Variants in C8orf34 observed in about 807,000 individuals in gnomAD.
C8orf34 encodes uncharacterized protein C8orf34.
Under a neutral mutation model 68.3 loss-of-function variants are expected in C8orf34, and 65 were observed. That is an observed-to-expected ratio of 0.95 (90% CI 0.78 to 1.17). The LOEUF (loss-of-function observed/expected upper bound fraction) is 1.17. Ranked by LOEUF, C8orf34 falls within the 50% of genes most tolerant of loss-of-function variation. The pLI, the probability that C8orf34 is intolerant of heterozygous loss-of-function variation, is 0.00. For synonymous variants in C8orf34, 244 were observed against 241.2 expected, an observed-to-expected ratio of 1.01 and a Z score of -0.11; for missense variants, 664 against 655.4, an observed-to-expected ratio of 1.01 and a Z score of -0.14.
At chr8:68,392,889 T>C (rs1266751080) in intron 1 of C8orf34, among the ~76,000 whole-genome samples, 1 of 152,172 alleles carries the variant, frequency 6.6e-6, no homozygotes, top group Non-Finnish European at 1.5e-5. Context: ...AAGGATTGAA[T>C]GTTGACCTTG....
chr8:68,493,834 AG>A (rs2129632049), intron 5 of C8orf34, among the ~76,000 whole-genome samples: 1 of 152,306 alleles, frequency 6.6e-6, no homozygotes, highest in Admixed American at 6.5e-5. Flanking sequence ...TCAGAGACAA[AG>A]GGCGTGCTCT....
intron 8 of C8orf34, among the ~76,000 whole-genome samples, chr8:68,684,561 G>A (rs974419807): frequency 6.6e-6 from 1 of 151,870 alleles, no homozygotes. Flanking sequence ...TCTAACAATG[G>A]GTTGGCAATG....
intron 5 of C8orf34, among the ~76,000 whole-genome samples, chr8:68,504,375 A>G (rs1290290210): frequency 3.3e-5 from 5 of 152,126 alleles, no homozygotes; most frequent in Non-Finnish European, 7.3e-5. Context: ...ATTATAAATA[A>G]TGTTTCTATG....
intron 1 of C8orf34, among the ~76,000 whole-genome samples, chr8:68,337,569 T>C (rs907803264): frequency 1.3e-5 from 2 of 152,122 alleles, no homozygotes; most frequent in Non-Finnish European, 2.9e-5. Flanking sequence ...GTGGTCTCTA[T>C]GTGAATGGAA....
chr8:68,546,641 G>A (rs976191075), intron 7 of C8orf34, among the ~76,000 whole-genome samples: 4 of 151,754 alleles, frequency 2.6e-5, no homozygotes, highest in Admixed American at 6.6e-5. Context: ...ACAGTAGATT[G>A]AAATTTATAG....
chr8:68,572,716 A>C (rs1816792766), intron 7 of C8orf34, among the ~76,000 whole-genome samples: 1 of 152,074 alleles, frequency 6.6e-6, no homozygotes, highest in African/African-American at 2.4e-5. Flanking sequence ...GCTGTGCTTT[A>C]GTGTCCCATA....
chr8:68,719,840 T>C (rs1165231278), intron 9 of C8orf34, among the ~76,000 whole-genome samples: 1 of 151,930 alleles, frequency 6.6e-6, no homozygotes, highest in African/African-American at 2.4e-5. Flanking sequence ...AATAGATTAC[T>C]GAAATAAGAA....
At chr8:68,581,573 GC>G (rs1382616469) in intron 7 of C8orf34, among the ~76,000 whole-genome samples, 1 of 152,118 alleles carries the variant, frequency 6.6e-6, no homozygotes, top group Non-Finnish European at 1.5e-5. Context: ...AGATGGAAAA[GC>G]AAAAGTCAGG....
intron 10 of C8orf34, among the ~76,000 whole-genome samples, chr8:68,761,836 T>C (rs557233434): frequency 6.6e-6 from 1 of 152,332 alleles, no homozygotes; most frequent in African/African-American, 2.4e-5. Context: ...TGCCTCCTTT[T>C]TTCTTTAACA....
Position 68,487,962 on chromosome 8 carries a change from A to C in C8orf34, c.737-61A>C, listed in dbSNP as rs536612038. The C allele has an allele frequency of 6.7e-5, 75 of 1,117,566 alleles. 1 individual carries two copies. In the South Asian group the frequency reaches 9.9e-4, roughly 15 times the overall value. The allele number at this position is 1,117,566 out of a possible 1,614,324, so 69.2% of individuals were successfully genotyped here. ...TTTACAAATAGAAAGTTTGTTTTGA[A>C]CATTAGGTTACTAAAGATTGCTTCT... On this transcript the variant is annotated intron_variant, in intron 4 of 13. Transcript: ENST00000518698.
chr8:68,607,914 T>C (rs1817903000), intron 7 of C8orf34, among the ~76,000 whole-genome samples: 1 of 152,102 alleles, frequency 6.6e-6, no homozygotes, highest in Non-Finnish European at 1.5e-5. Context: ...AACAAGACTC[T>C]AATGAAGATG....
At chr8:68,605,058 A>T (rs7818791) in intron 7 of C8orf34, among the ~76,000 whole-genome samples, 10,853 of 152,214 alleles carry the variant, frequency 0.071, 556 homozygotes, top group African/African-American at 0.14. Context: ...ATCTTAACAG[A>T]TACCTCACCA....
chr8:68,539,579 C>T (rs773276317), intron 7 of C8orf34, among the ~76,000 whole-genome samples: 5 of 152,086 alleles, frequency 3.3e-5, no homozygotes, highest in Admixed American at 1.3e-4. Flanking sequence ...TGGCCAAGCA[C>T]GGTGGCTCAC....
chr8:68,519,378 C>G (rs374378900), intron 5 of C8orf34, among the ~76,000 whole-genome samples: 1 of 152,122 alleles, frequency 6.6e-6, no homozygotes, highest in Non-Finnish European at 1.5e-5. Flanking sequence ...CATTTTTTCT[C>G]AGAGACCTCA....
intron 8 of C8orf34, among the ~76,000 whole-genome samples, chr8:68,647,126 G>A (rs1002630397): frequency 1.3e-5 from 2 of 152,204 alleles, no homozygotes; most frequent in Middle Eastern, 6.8e-3. Context: ...TTAAAAATGG[G>A]CAAAGGATTG....
intron 11 of C8orf34, among the ~76,000 whole-genome samples, chr8:68,777,296 C>T (rs1823547431): frequency 6.6e-6 from 1 of 152,200 alleles, no homozygotes; most frequent in African/African-American, 2.4e-5. Flanking sequence ...CCCATGTTCC[C>T]ACCTGGAGAG....
At chr8:68,572,426 C>T (rs1213169642) in intron 7 of C8orf34, among the ~76,000 whole-genome samples, 1 of 151,826 alleles carries the variant, frequency 6.6e-6, no homozygotes, top group African/African-American at 2.4e-5. Context: ...TCCATGAATA[C>T]ATAAGCATTT....
intron 1 of C8orf34, 87 bp downstream of exon 1, chr8:68,331,426 C>G: frequency 2.2e-6 from 3 of 1,389,250 alleles, no homozygotes; most frequent in Non-Finnish European, 3.0e-6. Context: ...TCCCACCCCT[C>G]CCAGGGAAGG....
chr8:68,330,887 G>C, upstream of C8orf34: 1 of 789,492 alleles, frequency 1.3e-6, no homozygotes, highest in Non-Finnish European at 1.8e-6. Context: ...GACACAGCTC[G>C]CCTCCCGCCC....
Sources: allele counts gnomAD v4.1 joint callset (sites outside exome capture counted in the v4.1 genomes callset), GRCh38; gene constraint gnomAD v4.1.1; transcripts MANE v1.5; gene names NCBI Gene and HGNC (gene_info 2026-07-23, HGNC 2026-07-21).